Variants in CHPT1 observed in about 807,000 individuals in gnomAD.
The protein encoded by CHPT1 is cholinephosphotransferase 1.
A neutral mutation model predicts 47.6 loss-of-function variants in CHPT1; 36 were observed. The observed-to-expected ratio is 0.76, with a 90% CI of 0.58 to 1.00. The LOEUF (loss-of-function observed/expected upper bound fraction) is 1.00. Ranked by LOEUF, CHPT1 falls within the 50% of genes least tolerant of loss-of-function variation. The pLI is 0.00. For synonymous variants in CHPT1, 194 were observed against 186.3 expected (o/e 1.04, Z -0.33); for missense variants, 458 against 498.1 (o/e 0.92, Z 0.77).
In CHPT1 at chr12:101,720,199, A is replaced by G; in HGVS notation, c.725A>G (p.Asn242Ser). 6.2e-7 allele frequency: 1 copy of G among 1,604,752 alleles called. No homozygotes were observed. Among genetic ancestry groups the G allele is most frequent in the Non-Finnish European group, 8.5e-7 (1 of 1,175,556 alleles). ...GGTGGAGTAATATTTTCCTGTTCAA[A>G]TTATTTCCATGTTATCCTCCATGGT... Reference protein sequence around the residue: ...FLGGVIFSCSNYFHVILHGGV... With the variant: ...FLGGVIFSCSSYFHVILHGGV... The change falls in exon 5 of 9, where the codon AAT becomes AGT. Residue 242 changes from asparagine (N) to serine (S), a missense_variant. Coordinates refer to ENST00000229266, the MANE Select transcript of CHPT1 (RefSeq NM_020244.3).
chr12:101,715,891 G>A (rs971837757), intron 3 of CHPT1, among the ~76,000 whole-genome samples: 1 of 151,902 alleles, frequency 6.6e-6, no homozygotes, highest in African/African-American at 2.4e-5. Flanking sequence ...CAAGAAAGAG[G>A]GTATGATCAG....
At position 101,709,388 on chromosome 12, in the gene CHPT1, CAA is replaced by C. The variant is rs544323245; in HGVS notation, c.274-4681_274-4680del. ...CTGGGCAACAGAGTGAGACCTGTGT[CAA>C]AAAAAAAAAAAAAAAAAAAAGTCTA... On this transcript the variant is annotated intron_variant, in intron 1 of 8. Transcript: ENST00000229266. Among the ~76,000 whole-genome samples the C allele has an allele frequency of 2.7e-3, 194 of 71,432 alleles. 6 individuals are homozygous for C. The highest frequency in any genetic ancestry group is 8.5e-3 in the Middle Eastern group (1 of 118). 46.9% of individuals were successfully genotyped at this position (71,432 alleles called of 152,430 possible).
chr12:101,704,863 T>C (rs1462940839), intron 1 of CHPT1, among the ~76,000 whole-genome samples: 1 of 69,094 alleles, frequency 1.4e-5, no homozygotes, highest in Non-Finnish European at 2.7e-5. Flanking sequence ...CCAGCACTTT[T>C]ATAAACATTT....
chr12:101,728,768 T>C (rs1374039781), intron 8 of CHPT1, 133 bp from the exon 9 acceptor site: 2 of 1,001,482 alleles, frequency 2.0e-6, no homozygotes, highest in Non-Finnish European at 2.9e-6. Flanking sequence ...CTCATAACTA[T>C]TTAGATTTGA....
chr12:101,728,634 A>G (rs1367678580), intron 8 of CHPT1: 1 of 365,266 alleles, frequency 2.7e-6, no homozygotes, highest in Non-Finnish European at 4.9e-6. Context: ...ATAGAGATAC[A>G]ATGAAGCCAA....
At position 101,698,078 on chromosome 12, in the gene CHPT1, G is replaced by A. The variant is rs775193490; in HGVS notation, c.217G>A (p.Val73Ile). 3.2e-6 allele frequency: 5 copies of A among 1,566,548 alleles called. No individual in the cohort carries two copies. Among genetic ancestry groups the A allele is most frequent in the Non-Finnish European group, 4.3e-6 (5 of 1,164,660 alleles). ...PNSITLLGLA[V>I]NVVTTLVLIS... ...CTCCATCACCCTGCTGGGGCTCGCC[G>A]TCAACGTGGTCACCACGCTCGTGCT... The change falls in exon 1 of 9, where the codon GTC becomes ATC. Residue 73 changes from valine (V) to isoleucine (I), a missense_variant. By Grantham distance (29) the Val-to-Ile change is conservative. Transcript: ENST00000229266.
At chr12:101,706,352 GA>G (rs61196574) in intron 1 of CHPT1, among the ~76,000 whole-genome samples, 37,292 of 137,810 alleles carry the variant, frequency 0.27, 4,965 homozygotes, top group East Asian at 0.35. Context: ...TCTGTCTCAA[GA>G]AAAAAAAAAA....
intron 1 of CHPT1, among the ~76,000 whole-genome samples, chr12:101,706,484 T>G (rs905461708): frequency 9.2e-5 from 14 of 152,080 alleles, no homozygotes; most frequent in African/African-American, 2.9e-4. Context: ...TCAGAAACTA[T>G]CTAGTCTACC....
intron 4 of CHPT1, 83 bp downstream of exon 4, chr12:101,716,895 A>C (rs1951770802): frequency 1.2e-6 from 1 of 827,304 alleles, no homozygotes; most frequent in African/African-American, 1.9e-5. Context: ...TTCTTCAAAA[A>C]TCCTTGGCAT....
At chr12:101,714,705 G>C (rs970995433) in intron 3 of CHPT1, 60 bp downstream of exon 3, 72 of 1,492,566 alleles carry the variant, frequency 4.8e-5, no homozygotes, top group African/African-American at 1.6e-4. Context: ...TGCACAATCT[G>C]TTATGTCATT....
At chr12:101,718,927 C>T (rs185452302) in intron 4 of CHPT1, among the ~76,000 whole-genome samples, 165 of 151,740 alleles carry the variant, frequency 1.1e-3, no homozygotes, top group Admixed American at 1.4e-3. Context: ...GGTAAATGTA[C>T]GGGCAGATCA....
chr12:101,716,914 ATTT>A (rs5800483), intron 4 of CHPT1, 102 bp downstream of exon 4: 158 of 556,592 alleles, frequency 2.8e-4, no homozygotes, highest in African/African-American at 7.4e-4. Context: ...ATTGTATTTA[ATTT>A]TTTTTTTTTA....
intron 1 of CHPT1, among the ~76,000 whole-genome samples, chr12:101,698,985 T>C (rs963453385): frequency 6.6e-6 from 1 of 152,232 alleles, no homozygotes; most frequent in Non-Finnish European, 1.5e-5. Context: ...AGTCCCTTTA[T>C]AATCATTTGA....
intron 1 of CHPT1, 111 bp downstream of exon 1, chr12:101,698,245 G>T: frequency 7.5e-7 from 1 of 1,335,766 alleles, no homozygotes; most frequent in Non-Finnish European, 9.5e-7. Context: ...CCGGGCCCCG[G>T]AGGGGCGGAC....
In CHPT1 at chr12:101,723,263, G is replaced by C. The variant is rs751949455; in HGVS notation, c.876G>C (p.Lys292Asn). The C allele has an allele frequency of 4.8e-5, 78 of 1,612,296 alleles. No individual in the cohort carries two copies. The highest frequency in any genetic ancestry group is 5.1e-6 in the Non-Finnish European group (6 of 1,178,702). The change falls in exon 6 of 9, where the codon AAG (lysine) becomes AAC (asparagine). Residue 292 changes from lysine to asparagine, a missense_variant. Lys to Asn is a moderately conservative substitution (Grantham distance 94). Transcript: ENST00000229266. Reference protein sequence around the residue: ...YKKSATDVFEKHPCLYILMFG... With the variant: ...YKKSATDVFENHPCLYILMFG... ...AGTCAGCAACTGATGTGTTTGAAAAGCATCCTTGTCTTTATATCCTAATGT... is the reference window on the plus strand; with the variant it reads ...AGTCAGCAACTGATGTGTTTGAAAACCATCCTTGTCTTTATATCCTAATGT...
rs544049296 is a variant in CHPT1 at position 101,711,103 on chromosome 12, A to G, written c.274-2987A>G. Among the ~76,000 whole-genome samples, 2 of 148,678 alleles carry G rather than the reference A, an allele frequency of 1.3e-5. 1 individual carries two copies. The highest frequency in any genetic ancestry group is 1.4e-4 in the Admixed American group (2 of 14,592). On this transcript the variant is annotated intron_variant, in intron 1 of 8. Transcript: ENST00000229266. ...TGATTTCCATAGGCCAAAAGAATGA[A>G]ATTGGACCTTATATTACACTGTATA...
chr12:101,722,185 A>C (rs1024006841), intron 5 of CHPT1, among the ~76,000 whole-genome samples: 1 of 151,518 alleles, frequency 6.6e-6, no homozygotes, highest in African/African-American at 2.4e-5. Context: ...TTAGGAGCAG[A>C]TTTTTTTTCT....
In CHPT1 at chr12:101,697,788, C is replaced by G; in HGVS notation, c.-74C>G. The G allele has an allele frequency of 2.0e-6, 1 of 501,544 alleles. No homozygotes were observed. Among genetic ancestry groups the G allele is most frequent in the African/African-American group, 2.1e-5 (1 of 47,950 alleles). The allele number at this position is 501,544 out of a possible 1,614,324, so 31.1% of individuals were successfully genotyped here. ...TCGCAGGACCCGGCCGCCAGCCTCTCCCTCCACCTCTCCCTGCCCCCAGCG... is the reference window on the plus strand; with the variant it reads ...TCGCAGGACCCGGCCGCCAGCCTCTGCCTCCACCTCTCCCTGCCCCCAGCG... On this transcript the variant is annotated 5_prime_UTR_variant, in exon 1 of 9. Coordinates refer to ENST00000229266, the MANE Select transcript of CHPT1 (RefSeq NM_020244.3).
Position 101,711,769 on chromosome 12 carries a change from C to T in CHPT1, c.274-2321C>T, listed in dbSNP as rs181174538. ...TTCCATCTATCTACATATCCCATAA[C>T]ATCATGTTGTATACATAATAAAATT... On this transcript the variant is annotated intron_variant, in intron 1 of 8. Coordinates refer to ENST00000229266, the MANE Select transcript of CHPT1 (RefSeq NM_020244.3). Among the ~76,000 whole-genome samples, 617 of 148,894 alleles carry T rather than the reference C, an allele frequency of 4.1e-3. 70 individuals carry two copies. The highest frequency in any genetic ancestry group is 5.6e-3 in the Non-Finnish European group (370 of 66,482).
Sources: allele counts gnomAD v4.1 joint callset (sites outside exome capture counted in the v4.1 genomes callset), GRCh38; gene constraint gnomAD v4.1.1; transcripts MANE v1.5; gene names NCBI Gene and HGNC (gene_info 2026-07-23, HGNC 2026-07-21).